The following RABGAP1 variants were observed in gnomAD, a reference collection of about 807,000 sequenced individuals.
RABGAP1 encodes the protein RAB GTPase activating protein 1, also known as rab GTPase-activating protein 1.
A neutral mutation model predicts 137.6 loss-of-function variants in RABGAP1; 23 were observed. The observed-to-expected ratio is 0.17, with a 90% CI of 0.12 to 0.24. The LOEUF (loss-of-function observed/expected upper bound fraction) is 0.24, where lower values mean the gene tolerates loss of function less well. Ranked by LOEUF, RABGAP1 falls within the 10% of genes least tolerant of loss-of-function variation. The probability of loss-of-function intolerance (pLI) is 1.00; values close to 1 mark genes in which losing one functional copy is unlikely to be tolerated. For synonymous variants in RABGAP1, 451 were observed against 450.7 expected (o/e 1.00, Z -0.01); for missense variants, 906 against 1,275.8 (o/e 0.71, Z 4.42).
At chr9:123,020,590 C>T (rs1030309404) in intron 13 of RABGAP1, 131 bp downstream of exon 13, 21 of 960,502 alleles carry the variant, frequency 2.2e-5, no homozygotes, top group African/African-American at 5.1e-5. Flanking sequence ...TTAATACTTC[C>T]AGCTCTAACA....
At chr9:123,102,356 G>C (rs2035369824) in intron 25 of RABGAP1, among the ~76,000 whole-genome samples, 1 of 152,150 alleles carries the variant, frequency 6.6e-6, no homozygotes, top group African/African-American at 2.4e-5. Context: ...TAAACCCTAA[G>C]CACTGTTTAT....
At chr9:123,073,186 C>A (rs369446299) in intron 15 of RABGAP1, among the ~76,000 whole-genome samples, 1 of 152,210 alleles carries the variant, frequency 6.6e-6, no homozygotes, top group African/African-American at 2.4e-5. Context: ...CAGCCTATTT[C>A]TGCTCAGCTC....
At chr9:123,032,558 T>A (rs933736478) in intron 13 of RABGAP1, among the ~76,000 whole-genome samples, 3 of 152,222 alleles carry the variant, frequency 2.0e-5, no homozygotes, top group African/African-American at 7.2e-5. Flanking sequence ...TGGCCATTTG[T>A]CTGTAATTAG....
chr9:123,021,846 G>A (rs2031659669), intron 13 of RABGAP1, among the ~76,000 whole-genome samples: 1 of 152,206 alleles, frequency 6.6e-6, no homozygotes, highest in African/African-American at 2.4e-5. Flanking sequence ...AAACACAAAA[G>A]CAAGTAGCTG....
At chr9:122,935,064 A>G in the RABGAP1 span, among the ~76,000 whole-genome samples, 1 of 151,992 alleles carries the variant, frequency 6.6e-6, no homozygotes, top group Non-Finnish European at 1.5e-5. Context: ...TTAAATCTTC[A>G]TTTCTGCCAT....
At chr9:123,064,538 A>G (rs2034104389) in intron 13 of RABGAP1, among the ~76,000 whole-genome samples, 1 of 152,214 alleles carries the variant, frequency 6.6e-6, no homozygotes, top group African/African-American at 2.4e-5. Flanking sequence ...ATTATGATGT[A>G]TTCTTACCAA....
At position 123,064,790 on chromosome 9, in the gene RABGAP1, A is replaced by G. The variant is rs565577865; in HGVS notation, c.1795-558A>G. ...TTTTGTCCATTGGAAAAAGCAAAGG[A>G]TATTTTCCCATAGCCTGTTTGAATC... On this transcript the variant is annotated intron_variant, in intron 13 of 25. Transcript: ENST00000373647. Among the ~76,000 whole-genome samples the G allele has an allele frequency of 2.6e-5, 4 of 152,306 alleles. No individual in the cohort carries two copies. The East Asian group carries it at 7.7e-4, about 29-fold the overall frequency.
chr9:123,070,961 TC>T lies in RABGAP1; in HGVS notation c.1983+538del, dbSNP rs2034335398. On this transcript the variant is annotated intron_variant, in intron 15 of 25. Transcript: ENST00000373647. The surrounding 1 kb of genome is among the most constrained non-coding windows in gnomAD (Gnocchi z 4.4). ...ACACTGCTTTTTCTGTTTGTCTCCC[TC>T]TGCATCTCTTTTTTTCTCTTTTCTG... 6.6e-6 allele frequency among the ~76,000 whole-genome samples: 1 copy of T among 152,222 alleles called. No individual in the cohort carries two copies. The highest frequency in any genetic ancestry group is 6.5e-5 in the Admixed American group (1 of 15,284).
At chr9:122,950,578 T>A (rs890672703) in intron 1 of RABGAP1, among the ~76,000 whole-genome samples, 4 of 152,136 alleles carry the variant, frequency 2.6e-5, no homozygotes, top group Admixed American at 2.6e-4. Context: ...ACCTCTGTTA[T>A]AACAAGCACT....
chr9:122,955,566 A>G (rs1182176298), intron 1 of RABGAP1, among the ~76,000 whole-genome samples: 1 of 152,226 alleles, frequency 6.6e-6, no homozygotes, highest in African/African-American at 2.4e-5. Flanking sequence ...TGTGCCATTA[A>G]CTGGTTAAAT....
intron 9 of RABGAP1, among the ~76,000 whole-genome samples, chr9:122,997,633 A>G (rs923817061): frequency 2.0e-4 from 30 of 149,360 alleles, no homozygotes; most frequent in African/African-American, 5.9e-4. Flanking sequence ...TATAAGTTTT[A>G]TTTTTGTACA....
At chr9:123,089,602 C>A in intron 19 of RABGAP1, 156 bp from the exon 20 acceptor site, 1 of 611,644 alleles carries the variant, frequency 1.6e-6, no homozygotes, top group South Asian at 2.2e-5. Flanking sequence ...GGGCTTATAC[C>A]CTACTCTGAT....
chr9:122,980,163 A>C (rs1004093284), intron 2 of RABGAP1, among the ~76,000 whole-genome samples: 9 of 152,222 alleles, frequency 5.9e-5, no homozygotes, highest in African/African-American at 2.2e-4. Flanking sequence ...TAGCTGCAAG[A>C]GAGACTACAT....
intron 12 of RABGAP1, 127 bp downstream of exon 12, chr9:123,015,763 C>G (rs1289289807): frequency 1.7e-6 from 1 of 585,286 alleles, no homozygotes; most frequent in Non-Finnish European, 3.0e-6. Flanking sequence ...ATTCTGTGAT[C>G]TATTTTAGGG....
chr9:123,035,191 T>C (rs1329289727), intron 13 of RABGAP1: 9 of 1,614,174 alleles, frequency 5.6e-6, no homozygotes, highest in Non-Finnish European at 7.6e-6. Context: ...TATTGTCTGC[T>C]TCACCTATTT....
chr9:123,039,281 AT>A (rs2032831168), intron 13 of RABGAP1, among the ~76,000 whole-genome samples: 1 of 152,142 alleles, frequency 6.6e-6, no homozygotes, highest in Non-Finnish European at 1.5e-5. Context: ...TCAACATAAA[AT>A]TGCTTTGATT....
intron 19 of RABGAP1, among the ~76,000 whole-genome samples, chr9:123,088,423 CA>C (rs1044660779): frequency 2.0e-5 from 3 of 151,890 alleles, no homozygotes; most frequent in Non-Finnish European, 4.4e-5. Flanking sequence ...AACTTTTGAA[CA>C]TGTAATTTAA....
the RABGAP1 span, among the ~76,000 whole-genome samples, chr9:122,935,593 G>A: frequency 2.6e-5 from 4 of 151,848 alleles, no homozygotes; most frequent in Middle Eastern, 3.4e-3. Context: ...CACCCACCTC[G>A]GCCTCCCAAA....
chr9:123,046,459 A>T (rs2033211274), intron 13 of RABGAP1, among the ~76,000 whole-genome samples: 1 of 152,230 alleles, frequency 6.6e-6, no homozygotes, highest in Non-Finnish European at 1.5e-5. Flanking sequence ...GGCCAAAAGT[A>T]TGTGCTTGAG....
Sources: gnomAD v4.1 joint callset for allele counts (sites outside exome capture counted in the v4.1 genomes callset) on GRCh38, gnomAD v4.1.1 for gene constraint, Gnocchi (gnomAD v3.1) non-coding constraint, MANE v1.5 for transcripts, NCBI Gene and HGNC (gene_info 2026-07-23, HGNC 2026-07-21) for gene names.